Variants in SH3RF1 observed in about 807,000 individuals in gnomAD.
The protein encoded by SH3RF1 is E3 ubiquitin-protein ligase SH3RF1.
In SH3RF1, 32 loss-of-function variants were observed where a neutral mutation model predicts 74.0. That is an observed-to-expected ratio of 0.43 (90% CI 0.33 to 0.58). The LOEUF is 0.58. Ranked by LOEUF, SH3RF1 falls within the 20% of genes least tolerant of loss-of-function variation. SH3RF1 has a pLI of 0.05. For missense variants in SH3RF1, 954 were observed against 1,130.9 expected, an observed-to-expected ratio of 0.84 and a Z score of 2.24; for synonymous variants, 396 against 439.6, an observed-to-expected ratio of 0.90 and a Z score of 1.24.
In SH3RF1 at chr4:169,160,433, A is replaced by G. The variant is rs78506935; in HGVS notation, c.394-3754T>C. On this transcript the variant is annotated intron_variant, in intron 2 of 11. Coordinates refer to ENST00000284637, the MANE Select transcript of SH3RF1 (RefSeq NM_020870.4). ...ACCAGTGGCAAGGAGAAAGCTTACT[A>G]TGATAACAGTGATATACATTATGGT... is the stretch of plus-strand genomic sequence containing the variant. 3.6e-3 allele frequency among the ~76,000 whole-genome samples: 548 copies of G among 152,342 alleles called. 29 individuals are homozygous for G. The East Asian group carries it at 0.097, about 27-fold the overall frequency.
At position 169,106,069 on chromosome 4, in the gene SH3RF1, AT is replaced by A. The variant is rs527817926; in HGVS notation, c.2498+777del. On this transcript the variant is annotated intron_variant, in intron 11 of 11. Coordinates refer to ENST00000284637, the MANE Select transcript of SH3RF1 (RefSeq NM_020870.4). ...TGTGTATATATATGTAATGTAAAAT[AT>A]TTTTTAACAGTATATATGTGTGTGT... Among the ~76,000 whole-genome samples the A allele has an allele frequency of 1.4e-3, 208 of 151,674 alleles. 1 individual carries two copies. The highest frequency in any genetic ancestry group is 4.8e-3 in the African/African-American group (198 of 41,340).
At chr4:169,259,946 G>A (rs1731251316) in intron 2 of SH3RF1, among the ~76,000 whole-genome samples, 1 of 152,156 alleles carries the variant, frequency 6.6e-6, no homozygotes, top group Non-Finnish European at 1.5e-5. Flanking sequence ...TTTGCCTTTT[G>A]ACCTTAAAAT....
intron 4 of SH3RF1, among the ~76,000 whole-genome samples, chr4:169,137,825 A>G (rs956834607): frequency 2.6e-5 from 4 of 152,204 alleles, no homozygotes; most frequent in African/African-American, 9.6e-5. Flanking sequence ...GCTTCTACAG[A>G]TGATTGCAAA....
In SH3RF1 at chr4:169,094,969, T is replaced by C. The variant is rs1158759962; in HGVS notation, c.*1550A>G. The C allele has an allele frequency of 1.3e-5, 2 of 152,402 alleles. No homozygotes were observed. The highest frequency in any genetic ancestry group is 2.9e-5 in the Non-Finnish European group (2 of 68,002). 9.4% of individuals were successfully genotyped at this position (152,402 alleles called of 1,614,324 possible). On this transcript the variant is annotated 3_prime_UTR_variant, in exon 12 of 12. Coordinates refer to ENST00000284637, the MANE Select transcript of SH3RF1 (RefSeq NM_020870.4). ...TGTATTTCCCATGAGAAAACTGTGG[T>C]AAGGATCTTATTCATTACCAGGCTG...
chr4:169,155,599 T>G (rs916043584), intron 3 of SH3RF1, 24 bp from the exon 4 acceptor site: 9 of 1,506,114 alleles, frequency 6.0e-6, no homozygotes, highest in Non-Finnish European at 8.3e-6. Context: ...AAATCATTAA[T>G]CTACCTGATC....
rs536225117 is a variant in SH3RF1 at position 169,224,071 on chromosome 4, G to A, written c.393+44749C>T. Among the ~76,000 whole-genome samples the A allele has an allele frequency of 2.6e-5, 4 of 152,280 alleles. No homozygotes were observed. In the South Asian group the frequency reaches 6.2e-4, roughly 24 times the overall value. On this transcript the variant is annotated intron_variant, in intron 2 of 11. Transcript: ENST00000284637. The stretch of plus-strand genomic sequence containing the variant: ...TGGTCTTGTTGTATTTAGCATCATG[G>A]CCCTTGTGGCACTAAATGCCAACAG...
chr4:169,116,654 C>G, intron 9 of SH3RF1, 24 bp from the exon 10 acceptor site: 1 of 1,513,034 alleles, frequency 6.6e-7, no homozygotes, highest in Non-Finnish European at 8.9e-7. Flanking sequence ...AGAGGGAACA[C>G]AGCAAAATTC....
chr4:169,152,367 C>T (rs535346871), intron 4 of SH3RF1, among the ~76,000 whole-genome samples: 101 of 152,310 alleles, frequency 6.6e-4, no homozygotes, highest in African/African-American at 2.3e-3. Context: ...ACTCACTTCT[C>T]CCAACCAGAC....
At chr4:169,148,327 A>G (rs1193964912) in intron 4 of SH3RF1, among the ~76,000 whole-genome samples, 1 of 152,210 alleles carries the variant, frequency 6.6e-6, no homozygotes, top group Non-Finnish European at 1.5e-5. Flanking sequence ...ACATTTGTCT[A>G]CAAAATGGTA....
chr4:169,096,452 T>C lies in SH3RF1; in HGVS notation c.*67A>G. ...TCTGGAAGTCCACAAATGTGCTCTTTCTGTTAAACTGCTTTGTGCTACTTT... is the reference window on the plus strand; with the variant it reads ...TCTGGAAGTCCACAAATGTGCTCTTCCTGTTAAACTGCTTTGTGCTACTTT... On this transcript the variant is annotated 3_prime_UTR_variant, in exon 12 of 12. Transcript: ENST00000284637. 1.3e-6 allele frequency: 2 copies of C among 1,539,890 alleles called. No individual in the cohort carries two copies. Among genetic ancestry groups the C allele is most frequent in the Non-Finnish European group, 1.8e-6 (2 of 1,136,258 alleles).
At chr4:169,121,106 T>A (rs1348830559) in intron 7 of SH3RF1, 117 bp from the exon 8 acceptor site, 3 of 780,438 alleles carry the variant, frequency 3.8e-6, no homozygotes, top group Non-Finnish European at 6.3e-6. Flanking sequence ...ACTGAAAGTA[T>A]AATCCTTTAA....
At chr4:169,258,636 T>C (rs1731226726) in intron 2 of SH3RF1, among the ~76,000 whole-genome samples, 1 of 151,980 alleles carries the variant, frequency 6.6e-6, no homozygotes, top group Non-Finnish European at 1.5e-5. Flanking sequence ...AGTTCAATAA[T>C]GGGGAAAAAA....
intron 2 of SH3RF1, among the ~76,000 whole-genome samples, chr4:169,183,587 A>AT (rs529010927): frequency 4.5e-4 from 68 of 151,390 alleles, no homozygotes; most frequent in African/African-American, 1.4e-3. Context: ...AGCCAAAACA[A>AT]TTTTTTTTTA....
intron 2 of SH3RF1, among the ~76,000 whole-genome samples, chr4:169,232,405 G>A (rs1049156448): frequency 1.3e-5 from 2 of 152,162 alleles, no homozygotes; most frequent in Non-Finnish European, 2.9e-5. Flanking sequence ...TCTGTGTGGC[G>A]TGACAACTGT....
At chr4:169,199,706 A>C (rs572000788) in intron 2 of SH3RF1, among the ~76,000 whole-genome samples, 1 of 152,304 alleles carries the variant, frequency 6.6e-6, no homozygotes, top group East Asian at 1.9e-4. Flanking sequence ...ATCCACTGGG[A>C]ATAAGAAAAC....
At chr4:169,258,924 C>T (rs1459943820) in intron 2 of SH3RF1, among the ~76,000 whole-genome samples, 2 of 152,270 alleles carry the variant, frequency 1.3e-5, no homozygotes, top group Non-Finnish European at 2.9e-5. Flanking sequence ...TTACTGCTCA[C>T]ATTTCCAGGA....
intron 6 of SH3RF1, among the ~76,000 whole-genome samples, chr4:169,127,835 C>A (rs1733552002): frequency 6.6e-6 from 1 of 152,178 alleles, no homozygotes. Context: ...ATTAAGCCAG[C>A]CTTATGTCTT....
chr4:169,252,479 T>A (rs1261777065), intron 2 of SH3RF1, among the ~76,000 whole-genome samples: 1 of 152,248 alleles, frequency 6.6e-6, no homozygotes, highest in Non-Finnish European at 1.5e-5. Flanking sequence ...AAGCTACTGA[T>A]AGATAAGATA....
chr4:169,191,714 A>C (rs1222426535), intron 2 of SH3RF1, among the ~76,000 whole-genome samples: 1 of 152,172 alleles, frequency 6.6e-6, no homozygotes, highest in Non-Finnish European at 1.5e-5. Context: ...AATGGAACAG[A>C]ATAGAGAACC....
Sources: gnomAD v4.1 joint callset for allele counts (sites outside exome capture counted in the v4.1 genomes callset) on GRCh38, gnomAD v4.1.1 for gene constraint, MANE v1.5 for transcripts, NCBI Gene and HGNC (gene_info 2026-07-23, HGNC 2026-07-21) for gene names.